Variants in RTL4 observed in about 807,000 individuals in gnomAD.
RTL4 encodes the protein retrotransposon Gag like 4.
In RTL4, 4 loss-of-function variants were observed where a neutral mutation model predicts 5.3. The ratio of observed to expected loss-of-function variants is 0.75; its 90% CI spans 0.37 to 1.72. The LOEUF is 1.72. Ranked by LOEUF, RTL4 falls within the 40% of genes most tolerant of loss-of-function variation. The pLI is 0.04. For synonymous variants in RTL4, 98 were observed against 87.3 expected (o/e 1.12, Z -0.68); for missense variants, 260 against 227.1 (o/e 1.14, Z -0.93).
the RTL4 span, among the ~76,000 whole-genome samples, chrX:112,306,280 G>A: frequency 9.0e-6 from 1 of 111,070 alleles, no homozygotes; most frequent in African/African-American, 3.3e-5. Flanking sequence ...TTTGCATTCT[G>A]GGAGTAAGCT....
chrX:112,303,623 G>C, the RTL4 span, among the ~76,000 whole-genome samples: 1 of 56,302 alleles, frequency 1.8e-5, no homozygotes, highest in African/African-American at 7.7e-5. Context: ...GGGGGGAGGG[G>C]GGAGGGATAG....
the RTL4 span, among the ~76,000 whole-genome samples, chrX:112,251,740 T>G: frequency 1.8e-5 from 2 of 111,490 alleles, no homozygotes; most frequent in Admixed American, 9.6e-5. Context: ...TCTAAAAGGT[T>G]TACAGCCATA....
the RTL4 span, among the ~76,000 whole-genome samples, chrX:112,210,849 A>G: frequency 1.2e-3 from 135 of 112,539 alleles, no homozygotes; most frequent in African/African-American, 4.1e-3. Flanking sequence ...ACAAAGTCCC[A>G]GAGAACAAGT....
chrX:112,189,192 G>C, the RTL4 span, among the ~76,000 whole-genome samples: 4 of 110,647 alleles, frequency 3.6e-5, no homozygotes, highest in East Asian at 1.1e-3. Context: ...CCAGGAGCTA[G>C]AGACCAGCCT....
At chrX:112,442,256 T>C in the RTL4 span, among the ~76,000 whole-genome samples, 2 of 109,237 alleles carry the variant, frequency 1.8e-5, no homozygotes, top group Non-Finnish European at 3.8e-5. Flanking sequence ...TTTTTTTTTT[T>C]TTGAGATGGA....
At chrX:112,426,858 TC>T in the RTL4 span, among the ~76,000 whole-genome samples, 1 of 110,729 alleles carries the variant, frequency 9.0e-6, no homozygotes, top group African/African-American at 3.3e-5. Flanking sequence ...TGCACTTGCA[TC>T]CCGGAACTTA....
the RTL4 span, among the ~76,000 whole-genome samples, chrX:112,107,950 T>C: frequency 8.9e-6 from 1 of 111,845 alleles, no homozygotes; most frequent in Non-Finnish European, 1.9e-5. Context: ...ACATTTGCTC[T>C]ATTTTGATGC....
chrX:112,304,077 T>G, the RTL4 span, among the ~76,000 whole-genome samples: 27 of 110,712 alleles, frequency 2.4e-4, no homozygotes, highest in African/African-American at 8.9e-4. Context: ...GGGGCCTAAT[T>G]CTTGAAGTGA....
At chrX:112,448,849 G>T in the RTL4 span, among the ~76,000 whole-genome samples, 2 of 111,784 alleles carry the variant, frequency 1.8e-5, no homozygotes, top group Non-Finnish European at 3.8e-5. Context: ...CAGTAAAGAT[G>T]GGATGAAATG....
chrX:112,418,791 G>T, the RTL4 span, among the ~76,000 whole-genome samples: 1 of 109,349 alleles, frequency 9.1e-6, no homozygotes, highest in African/African-American at 3.3e-5. Flanking sequence ...GGGAAAACCT[G>T]TTTATGCCTT....
chrX:112,148,535 G>A, the RTL4 span, among the ~76,000 whole-genome samples: 1 of 111,223 alleles, frequency 9.0e-6, no homozygotes, highest in Non-Finnish European at 1.9e-5. Context: ...GCCAAGTAAT[G>A]TCAAGTCTGA....
the RTL4 span, among the ~76,000 whole-genome samples, chrX:112,084,439 G>T: frequency 5.5e-5 from 6 of 110,046 alleles, no homozygotes; most frequent in African/African-American, 2.0e-4. Context: ...AGTGAGGGTG[G>T]AGCTTCCACC....
At chrX:112,172,988 A>T in the RTL4 span, among the ~76,000 whole-genome samples, 2 of 86,326 alleles carry the variant, frequency 2.3e-5, no homozygotes, top group Non-Finnish European at 4.4e-5. Flanking sequence ...GGGGAACAAC[A>T]CACACTGGGG....
the RTL4 span, among the ~76,000 whole-genome samples, chrX:112,347,343 T>A: frequency 5.4e-5 from 6 of 111,574 alleles, no homozygotes; most frequent in African/African-American, 2.0e-4. Flanking sequence ...AGGGGAGAAA[T>A]CATTTCTTCC....
downstream of RTL4, chrX:112,457,163 T>C (rs1320444903): frequency 3.2e-5 from 4 of 123,499 alleles, no homozygotes; most frequent in Non-Finnish European, 7.5e-5. Flanking sequence ...TGGAGAATTA[T>C]GCTAACTTTG....
chrX:112,381,662 T>C, the RTL4 span: 89 of 1,208,570 alleles, frequency 7.4e-5, no homozygotes, highest in African/African-American at 1.4e-3. Flanking sequence ...AGCAGCGCTC[T>C]TGCAAAAGGA....
At chrX:112,185,398 TATATAC>T in the RTL4 span, among the ~76,000 whole-genome samples, 1 of 100,206 alleles carries the variant, frequency 1.0e-5, no homozygotes, top group Non-Finnish European at 2.0e-5. Flanking sequence ...TATATATATA[TATATAC>T]ACACACACAC....
At chrX:112,195,166 G>A in the RTL4 span, among the ~76,000 whole-genome samples, 2 of 111,624 alleles carry the variant, frequency 1.8e-5, no homozygotes, top group Admixed American at 1.9e-4. Flanking sequence ...TGTCCTGCAG[G>A]AAGTACAGAG....
the RTL4 span, among the ~76,000 whole-genome samples, chrX:112,373,752 A>C: frequency 9.1e-6 from 1 of 109,943 alleles, no homozygotes; most frequent in Non-Finnish European, 1.9e-5. Flanking sequence ...CACTTCAAAA[A>C]ATTATCTCCT....
Sources: allele counts gnomAD v4.1 joint callset (sites outside exome capture counted in the v4.1 genomes callset), GRCh38; gene constraint gnomAD v4.1.1; transcripts MANE v1.5; gene names NCBI Gene and HGNC (gene_info 2026-07-23, HGNC 2026-07-21).